Variants in PTPRD observed in about 807,000 individuals in gnomAD.
PTPRD encodes protein tyrosine phosphatase receptor type D.
A neutral mutation model predicts 214.5 loss-of-function variants in PTPRD; 34 were observed. The observed-to-expected ratio is 0.16, with a 90% confidence interval of 0.12 to 0.21. The LOEUF is 0.21. Among genes scored for constraint, PTPRD ranks in the 10% least tolerant of loss-of-function variants. PTPRD has a pLI of 1.00. For missense variants in PTPRD, 2,545 were observed against 2,398.7 expected, an observed-to-expected ratio of 1.06 and a Z score of -1.27; for synonymous variants, 1,128 against 845.7, an observed-to-expected ratio of 1.33 and a Z score of -5.79.
chr9:9,043,919 TA>T (rs2099657138), intron 10 of PTPRD, among the ~76,000 whole-genome samples: 1 of 86,750 alleles, frequency 1.2e-5, no homozygotes, highest in Admixed American at 9.6e-5. Flanking sequence ...TAAAATAAAA[TA>T]AAATAAAATA....
intron 37 of PTPRD, among the ~76,000 whole-genome samples, chr9:8,383,483 C>A (rs558140373): frequency 6.6e-6 from 1 of 152,184 alleles, no homozygotes; most frequent in Non-Finnish European, 1.5e-5. Context: ...TTTTCCCATT[C>A]TTTGGCCTAA....
intron 3 of PTPRD, among the ~76,000 whole-genome samples, chr9:10,076,552 T>G (rs1242438070): frequency 6.6e-6 from 1 of 152,078 alleles, no homozygotes; most frequent in Non-Finnish European, 1.5e-5. Flanking sequence ...TGAGAAGCCT[T>G]AACCTCACTG....
chr9:9,219,165 A>G (rs1244954052), intron 9 of PTPRD, among the ~76,000 whole-genome samples: 1 of 152,140 alleles, frequency 6.6e-6, no homozygotes, highest in Non-Finnish European at 1.5e-5. Context: ...TTGGAAAAAT[A>G]GAATTGTTAA....
chr9:9,329,434 T>C (rs968613034), intron 9 of PTPRD, among the ~76,000 whole-genome samples: 3 of 152,174 alleles, frequency 2.0e-5, no homozygotes, highest in Non-Finnish European at 2.9e-5. Flanking sequence ...GAGATAACAG[T>C]AGACACTAGA....
intron 11 of PTPRD, among the ~76,000 whole-genome samples, chr9:8,826,257 T>C (rs1352004618): frequency 6.6e-6 from 1 of 152,276 alleles, no homozygotes; most frequent in Non-Finnish European, 1.5e-5. Flanking sequence ...ATTTCTACTC[T>C]TGTTACCTCC....
intron 6 of PTPRD, among the ~76,000 whole-genome samples, chr9:9,746,692 C>G (rs1349842422): frequency 6.6e-6 from 1 of 151,990 alleles, no homozygotes; most frequent in Non-Finnish European, 1.5e-5. Flanking sequence ...ACACAGTAAA[C>G]AAGAACCCAG....
At chr9:10,216,697 T>C (rs922765319) in intron 3 of PTPRD, among the ~76,000 whole-genome samples, 5 of 152,072 alleles carry the variant, frequency 3.3e-5, no homozygotes, top group African/African-American at 4.8e-5. Flanking sequence ...AATAGAGCTC[T>C]CTTGAATTTT....
chr9:8,876,241 G>GTTGTTGTTA (rs2098388771), intron 11 of PTPRD, among the ~76,000 whole-genome samples: 1 of 151,928 alleles, frequency 6.6e-6, no homozygotes, highest in Admixed American at 6.6e-5. Flanking sequence ...TGTTGTTGTT[G>GTTGTTGTTA]TTTAAACAGC....
chr9:10,161,870 A>G lies in PTPRD; in HGVS notation c.-544-128080T>C, dbSNP rs544924804. Among the ~76,000 whole-genome samples, 4 of 152,012 alleles carry G rather than the reference A, an allele frequency of 2.6e-5. No individual in the cohort carries two copies. In the South Asian group the frequency reaches 8.3e-4, roughly 31 times the overall value. ...GCAAAAAGATAATAATCTAATTGCA[A>G]AATGGGCAAAAGATCCTAAATGACA... On this transcript the variant is annotated intron_variant, in intron 3 of 45. Transcript: ENST00000381196.
In PTPRD at chr9:9,066,297, A is replaced by AT. The variant is rs113689194; in HGVS notation, c.-142-47563dup. On this transcript the variant is annotated intron_variant, in intron 10 of 45. Coordinates refer to ENST00000381196, the MANE Select transcript of PTPRD (RefSeq NM_002839.4). ...TGGGGTAAAGTCACCTTGGCCAGGC[A>AT]TTTTTTTTTCATGAGAATGTTTTAA... 3.6e-3 allele frequency among the ~76,000 whole-genome samples: 549 copies of AT among 150,510 alleles called. 6 individuals carry two copies. The highest frequency in any genetic ancestry group is 0.012 in the African/African-American group (490 of 41,008).
chr9:9,345,538 T>A (rs1049325969), intron 9 of PTPRD, among the ~76,000 whole-genome samples: 1 of 152,160 alleles, frequency 6.6e-6, no homozygotes, highest in Non-Finnish European at 1.5e-5. Context: ...TGATGTAGTA[T>A]ATTTTTTTAA....
At position 9,314,335 on chromosome 9, in the gene PTPRD, T is replaced by C. The variant is rs1489782484; in HGVS notation, c.-203+83114A>G. On this transcript the variant is annotated intron_variant, in intron 9 of 45. Coordinates refer to ENST00000381196, the MANE Select transcript of PTPRD (RefSeq NM_002839.4). ...CTGAATGAGTTGAAGAAACAAGTTCTGTTCTTACATCACTCATGTAATGAG... is the reference window on the plus strand; with the variant it reads ...CTGAATGAGTTGAAGAAACAAGTTCCGTTCTTACATCACTCATGTAATGAG... Among the ~76,000 whole-genome samples, 3 of 152,258 alleles carry C rather than the reference T, an allele frequency of 2.0e-5. No homozygotes were observed. The East Asian group carries it at 5.8e-4, about 29-fold the overall frequency.
chr9:8,432,263 A>G (rs1198609745), intron 35 of PTPRD, among the ~76,000 whole-genome samples: 1 of 152,212 alleles, frequency 6.6e-6, no homozygotes, highest in Non-Finnish European at 1.5e-5. Context: ...TTTCAGTTTC[A>G]TCTCAGAAAA....
chr9:8,499,722 C>T lies in PTPRD; in HGVS notation c.2247G>A (p.Val749=), dbSNP rs754210574. Residue 749 remains valine, a synonymous_variant, in exon 25 of 46, where the codon GTG becomes GTA. Transcript: ENST00000381196. The part of the protein sequence containing the change: ...KQHGQIRGYQ[V]HYVRMENGEP... ...CACCATTTTCCATCCTCACATAATG[C>T]ACCTGATATCCTCTTATCTGGCCAT... The T allele has an allele frequency of 6.2e-7, 1 of 1,614,122 alleles. No homozygotes were observed.
intron 11 of PTPRD, among the ~76,000 whole-genome samples, chr9:8,852,544 G>T (rs565482882): frequency 1.3e-5 from 2 of 152,194 alleles, no homozygotes; most frequent in African/African-American, 4.8e-5. Flanking sequence ...CATTTACAAA[G>T]GAAAGCAAGG....
chr9:10,543,228 A>C (rs2135371055), intron 2 of PTPRD, among the ~76,000 whole-genome samples: 1 of 152,246 alleles, frequency 6.6e-6, no homozygotes, highest in African/African-American at 2.4e-5. Flanking sequence ...GGGAAGGCAT[A>C]AAGCTAAGTT....
intron 14 of PTPRD, among the ~76,000 whole-genome samples, chr9:8,582,309 T>C (rs916826328): frequency 1.3e-5 from 2 of 152,180 alleles, no homozygotes; most frequent in Non-Finnish European, 2.9e-5. Flanking sequence ...TGTGAAAAAG[T>C]AAATCTGTTA....
intron 9 of PTPRD, among the ~76,000 whole-genome samples, chr9:9,341,226 T>G (rs565216880): frequency 1.3e-5 from 2 of 152,068 alleles, no homozygotes; most frequent in Admixed American, 6.6e-5. Flanking sequence ...CCACCAGCCT[T>G]TCTTCCTTTC....
At position 10,520,056 on chromosome 9, in the gene PTPRD, G is replaced by C. The variant is rs2051641374; in HGVS notation, c.-600+92342C>G. On this transcript the variant is annotated intron_variant, in intron 2 of 45. Coordinates refer to ENST00000381196, the MANE Select transcript of PTPRD (RefSeq NM_002839.4). ...TCTAAGTATTCAAGTAAAAGGAAGAGTCCCATATCCCTCCATTTAAATCAA... is the reference window on the plus strand; with the variant it reads ...TCTAAGTATTCAAGTAAAAGGAAGACTCCCATATCCCTCCATTTAAATCAA... Among the ~76,000 whole-genome samples the C allele has an allele frequency of 3.9e-5, 6 of 152,110 alleles. No homozygotes were observed. The South Asian group carries it at 1.2e-3, about 31-fold the overall frequency.
Sources: gnomAD v4.1 joint callset for allele counts (sites outside exome capture counted in the v4.1 genomes callset) on GRCh38, gnomAD v4.1.1 for gene constraint, MANE v1.5 for transcripts, NCBI Gene and HGNC (gene_info 2026-07-23, HGNC 2026-07-21) for gene names.